Variants in CEP63 observed in about 807,000 individuals in gnomAD.
CEP63 encodes centrosomal protein of 63 kDa.
In CEP63, 84 loss-of-function variants were observed where a neutral mutation model predicts 89.1. That is an observed-to-expected ratio of 0.94 (90% confidence interval 0.79 to 1.13). The LOEUF is 1.13. CEP63 is among the 50% of genes most tolerant of loss of function. The pLI is 0.00. For missense variants in CEP63, 838 were observed against 813.3 expected (o/e 1.03, Z -0.37); for synonymous variants, 267 against 272.5 (o/e 0.98, Z 0.20).
the CEP63 span, among the ~76,000 whole-genome samples, chr3:134,744,309 A>T: frequency 1.3e-5 from 2 of 152,204 alleles, no homozygotes; most frequent in African/African-American, 4.8e-5. Context: ...AAGAGAAGGG[A>T]TCATTAGGCT....
At chr3:134,678,181 G>A in the CEP63 span, among the ~76,000 whole-genome samples, 1 of 151,946 alleles carries the variant, frequency 6.6e-6, no homozygotes, top group Admixed American at 6.6e-5. Context: ...GTAGCCACAG[G>A]GAACATGCTG....
At chr3:134,737,488 A>G in the CEP63 span, among the ~76,000 whole-genome samples, 1 of 152,238 alleles carries the variant, frequency 6.6e-6, no homozygotes. Flanking sequence ...ATAAATAAGT[A>G]ATTTACAAAA....
chr3:134,488,216 T>C (rs927405811), intron 1 of CEP63: 4 of 152,262 alleles, frequency 2.6e-5, no homozygotes, highest in African/African-American at 9.6e-5. Context: ...GAATCTAGGT[T>C]GCACACTTAT....
the CEP63 span, among the ~76,000 whole-genome samples, chr3:134,678,691 G>A: frequency 4.6e-5 from 7 of 152,290 alleles, no homozygotes; most frequent in South Asian, 1.5e-3. Context: ...GGCACAAGGA[G>A]GCTAAGCAAC....
chr3:134,559,839 T>C (rs563197476), intron 14 of CEP63, among the ~76,000 whole-genome samples: 1 of 152,294 alleles, frequency 6.6e-6, no homozygotes, highest in East Asian at 1.9e-4. Context: ...AGGCTGTGCC[T>C]CTGATGTGTG....
intron 3 of CEP63, among the ~76,000 whole-genome samples, chr3:134,515,980 G>C (rs914674352): frequency 1.3e-5 from 2 of 152,126 alleles, no homozygotes; most frequent in African/African-American, 4.8e-5. Context: ...GGTGTTTCTC[G>C]TTAGGTGGAA....
the CEP63 span, among the ~76,000 whole-genome samples, chr3:134,762,779 G>C: frequency 1.3e-5 from 2 of 152,186 alleles, no homozygotes; most frequent in Admixed American, 6.5e-5. Context: ...CCCACTTTGT[G>C]GCACTTCGTT....
downstream of CEP63, among the ~76,000 whole-genome samples, chr3:134,577,383 A>G (rs374310313): frequency 3.3e-5 from 5 of 149,962 alleles, no homozygotes; most frequent in African/African-American, 4.9e-5. Context: ...TCACACTTGT[A>G]TGGAAAAAAA....
the CEP63 span, among the ~76,000 whole-genome samples, chr3:134,770,017 A>G: frequency 6.6e-6 from 1 of 152,196 alleles, no homozygotes; most frequent in Non-Finnish European, 1.5e-5. Context: ...GGTGTGCAGC[A>G]CTGGCACATC....
At chr3:134,733,725 G>A in the CEP63 span, among the ~76,000 whole-genome samples, 1 of 150,956 alleles carries the variant, frequency 6.6e-6, no homozygotes, top group African/African-American at 2.5e-5. Flanking sequence ...GCTAGAAGGA[G>A]GTAAGGAAGG....
At chr3:134,597,567 G>C in the CEP63 span, among the ~76,000 whole-genome samples, 4 of 152,196 alleles carry the variant, frequency 2.6e-5, no homozygotes, top group African/African-American at 4.8e-5. Context: ...CACCTTCAAG[G>C]TCTGCCTGAG....
At chr3:134,758,369 C>T in the CEP63 span, among the ~76,000 whole-genome samples, 2 of 152,178 alleles carry the variant, frequency 1.3e-5, no homozygotes, top group Admixed American at 6.5e-5. Context: ...CAACATAATG[C>T]CTGGCACAAA....
chr3:134,490,182 TA>T (rs903040524), intron 1 of CEP63, among the ~76,000 whole-genome samples: 15 of 152,046 alleles, frequency 9.9e-5, no homozygotes, highest in Middle Eastern at 3.4e-3. Flanking sequence ...TATTATATAT[TA>T]AAAAAAACAC....
chr3:134,693,542 GT>G, the CEP63 span, among the ~76,000 whole-genome samples: 1 of 151,992 alleles, frequency 6.6e-6, no homozygotes, highest in Non-Finnish European at 1.5e-5. Context: ...GACGTTTTTT[GT>G]TTTCTTCATT....
chr3:134,651,228 G>T, the CEP63 span: 1 of 1,268,670 alleles, frequency 7.9e-7, no homozygotes, highest in Non-Finnish European at 1.0e-6. Flanking sequence ...GACCTGCACC[G>T]GGGCCATAGT....
At chr3:134,489,412 A>G (rs1936881220) in intron 1 of CEP63, among the ~76,000 whole-genome samples, 1 of 152,096 alleles carries the variant, frequency 6.6e-6, no homozygotes, top group South Asian at 2.1e-4. Context: ...GTAATGCAGT[A>G]TACTTCCTAT....
chr3:134,536,147 C>A (rs6763088), intron 5 of CEP63: 1 of 152,150 alleles, frequency 6.6e-6, no homozygotes, highest in Admixed American at 6.5e-5. Flanking sequence ...TTAAAAATTA[C>A]AACCCCAACT....
chr3:134,616,412 C>T, the CEP63 span, among the ~76,000 whole-genome samples: 5 of 152,130 alleles, frequency 3.3e-5, no homozygotes, highest in East Asian at 1.9e-4. Context: ...TCAGCAAGTG[C>T]GGATTATATG....
chr3:134,599,357 A>T, the CEP63 span, among the ~76,000 whole-genome samples: 1 of 152,206 alleles, frequency 6.6e-6, no homozygotes, highest in Non-Finnish European at 1.5e-5. Context: ...AGACATGACG[A>T]AGCCAGATTT....
Sources: gnomAD v4.1 joint callset for allele counts (sites outside exome capture counted in the v4.1 genomes callset) on GRCh38, gnomAD v4.1.1 for gene constraint, MANE v1.5 for transcripts, NCBI Gene and HGNC (gene_info 2026-07-23, HGNC 2026-07-21) for gene names.